C5orf63: variants seen among roughly 807,000 people sequenced by gnomAD.
C5orf63 encodes glutaredoxin-like protein C5orf63.
A neutral mutation model predicts 13.3 loss-of-function variants in C5orf63; 18 were observed. The observed-to-expected ratio is 1.36, with a 90% CI of 0.94 to 2.01. The LOEUF (loss-of-function observed/expected upper bound fraction) is 2.01. Ranked by LOEUF, C5orf63 falls within the 30% of genes most tolerant of loss-of-function variation. The pLI is 0.00. For synonymous variants in C5orf63, 38 were observed against 44.7 expected (o/e 0.85, Z 0.60); for missense variants, 118 against 127.7 (o/e 0.92, Z 0.36).
At chr5:127,055,365 G>A (rs552928505) in intron 3 of C5orf63, among the ~76,000 whole-genome samples, 1 of 152,244 alleles carries the variant, frequency 6.6e-6, no homozygotes, top group South Asian at 2.1e-4. Context: ...TATATTACAA[G>A]GCTACATCGG....
At chr5:127,053,607 C>T (rs143206561) in intron 3 of C5orf63, among the ~76,000 whole-genome samples, 2,637 of 152,192 alleles carry the variant, frequency 0.017, 75 homozygotes, top group African/African-American at 0.06. Context: ...CGACAGGCCC[C>T]GGTGTGTGAT....
intron 2 of C5orf63, among the ~76,000 whole-genome samples, chr5:127,068,707 G>A (rs1017347606): frequency 2.6e-5 from 4 of 152,188 alleles, no homozygotes; most frequent in African/African-American, 9.7e-5. Context: ...TTTTGTTTTA[G>A]AATATGTAGA....
chr5:127,047,712 G>C (rs1174070928), downstream of C5orf63: 1 of 703,888 alleles, frequency 1.4e-6, no homozygotes, highest in South Asian at 1.5e-5. Context: ...CAGGACTCTT[G>C]AACATTCTCA....
chr5:127,054,295 C>T (rs1753794414), intron 3 of C5orf63, among the ~76,000 whole-genome samples: 1 of 152,098 alleles, frequency 6.6e-6, no homozygotes, highest in African/African-American at 2.4e-5. Context: ...GTTCTAGATC[C>T]TTGAGGAATC....
At chr5:127,065,698 G>C (rs570698726) in intron 2 of C5orf63, among the ~76,000 whole-genome samples, 1 of 152,296 alleles carries the variant, frequency 6.6e-6, no homozygotes, top group East Asian at 1.9e-4. Flanking sequence ...TTCTGAATGA[G>C]TGATGTGATA....
At chr5:127,044,769 C>CTTTTTTT (rs5871239), downstream of C5orf63, 1 of 127,906 alleles carries the variant, frequency 7.8e-6, no homozygotes. Flanking sequence ...TCATTCTATG[C>CTTTTTTT]TTTTTTTTTT....
intron 2 of C5orf63, among the ~76,000 whole-genome samples, chr5:127,068,056 C>T (rs1252598862): frequency 1.3e-5 from 2 of 152,054 alleles, no homozygotes; most frequent in African/African-American, 2.4e-5. Context: ...AAACATAAAA[C>T]CCAAAGAGGG....
chr5:127,069,831 C>T (rs1754467263), intron 2 of C5orf63, among the ~76,000 whole-genome samples: 1 of 152,098 alleles, frequency 6.6e-6, no homozygotes, highest in Admixed American at 6.5e-5. Context: ...CTGGAAGTGA[C>T]TTTGGAGATT....
downstream of C5orf63, among the ~76,000 whole-genome samples, chr5:127,048,811 G>A (rs982401798): frequency 6.6e-6 from 1 of 152,142 alleles, no homozygotes; most frequent in Non-Finnish European, 1.5e-5. Context: ...ACGTCTCTAG[G>A]CTTTCTGGCC....
downstream of C5orf63, among the ~76,000 whole-genome samples, chr5:127,049,732 T>C (rs1753611386): frequency 6.6e-6 from 1 of 152,238 alleles, no homozygotes; most frequent in South Asian, 2.1e-4. Context: ...ACAAGACATA[T>C]TTATTGTCTT....
At chr5:127,056,090 C>T (rs933509634) in intron 3 of C5orf63, among the ~76,000 whole-genome samples, 5 of 152,132 alleles carry the variant, frequency 3.3e-5, no homozygotes, top group African/African-American at 9.7e-5. Flanking sequence ...TTGTAGCAAG[C>T]GTGTTATAAT....
At chr5:127,073,182 TTTCTGCTTTCTCTTAA>T in intron 1 of C5orf63, 1 of 151,296 alleles carries the variant, frequency 6.6e-6, no homozygotes. Flanking sequence ...CTCGAGATGT[TTTCTGCTTTCTCTTAA>T]AAAAAAAAAA....
At chr5:127,066,628 G>T (rs1488051747) in intron 2 of C5orf63, among the ~76,000 whole-genome samples, 2 of 152,044 alleles carry the variant, frequency 1.3e-5, no homozygotes, top group African/African-American at 4.8e-5. Context: ...CTCGGTTAGG[G>T]ACATGTCAGA....
At chr5:127,061,128 G>T (rs1754090846) in intron 2 of C5orf63, among the ~76,000 whole-genome samples, 1 of 152,128 alleles carries the variant, frequency 6.6e-6, no homozygotes, top group South Asian at 2.1e-4. Flanking sequence ...AAAGATCAGT[G>T]CTCCTCAGGG....
chr5:127,044,423 T>C (rs1043251705), downstream of C5orf63: 1 of 152,190 alleles, frequency 6.6e-6, no homozygotes, highest in African/African-American at 2.4e-5. Flanking sequence ...TTGGTAGTCA[T>C]CTTTGAACCT....
chr5:127,052,021 C>T, intron 4 of C5orf63, 74 bp from the exon 5 acceptor site: 1 of 1,124,474 alleles, frequency 8.9e-7, no homozygotes, highest in Non-Finnish European at 1.2e-6. Context: ...ATAAACTGAT[C>T]CCCAGACCAT....
chr5:127,058,804 C>T (rs977934711), intron 3 of C5orf63, 78 bp downstream of exon 3: 7 of 910,360 alleles, frequency 7.7e-6, no homozygotes, highest in African/African-American at 3.3e-5. Context: ...TATTCCATTG[C>T]CTTTCCTTTC....
intron 2 of C5orf63, among the ~76,000 whole-genome samples, chr5:127,062,522 T>C (rs900529673): frequency 6.6e-6 from 1 of 152,214 alleles, no homozygotes; most frequent in African/African-American, 2.4e-5. Flanking sequence ...TCTAGGCAGA[T>C]AGTATGCTAA....
At chr5:127,061,216 G>T (rs923739433) in intron 2 of C5orf63, among the ~76,000 whole-genome samples, 7 of 152,122 alleles carry the variant, frequency 4.6e-5, no homozygotes, top group Non-Finnish European at 7.3e-5. Context: ...GCCCTCCTCT[G>T]CTTCACAGAG....
Sources: allele counts gnomAD v4.1 joint callset (sites outside exome capture counted in the v4.1 genomes callset), GRCh38; gene constraint gnomAD v4.1.1; transcripts MANE v1.5; gene names NCBI Gene and HGNC (gene_info 2026-07-23, HGNC 2026-07-21).